The following FSTL4 variants were observed in gnomAD, a reference collection of about 807,000 sequenced individuals.
FSTL4 encodes the protein follistatin-related protein 4.
In FSTL4, 28 loss-of-function variants were observed where a neutral mutation model predicts 78.2. The observed-to-expected ratio is 0.36, with a 90% confidence interval of 0.27 to 0.49. FSTL4 has a LOEUF of 0.49. Ranked by LOEUF, FSTL4 falls within the 20% of genes least tolerant of loss-of-function variation. The pLI, the probability that FSTL4 is intolerant of heterozygous loss-of-function variation, is 0.98. For synonymous variants in FSTL4, 422 were observed against 440.5 expected (o/e 0.96, Z 0.53); for missense variants, 922 against 1,084.9 (o/e 0.85, Z 2.11).
chr5:133,204,715 C>A (rs1454879576), intron 14 of FSTL4, among the ~76,000 whole-genome samples: 2 of 148,878 alleles, frequency 1.3e-5, no homozygotes, highest in African/African-American at 2.5e-5. Flanking sequence ...ACCTGTAATC[C>A]CAGCTACTCA....
intron 6 of FSTL4, among the ~76,000 whole-genome samples, chr5:133,252,628 G>C (rs1016293962): frequency 2.8e-5 from 2 of 71,932 alleles, no homozygotes; most frequent in Non-Finnish European, 4.5e-5. Flanking sequence ...GGGAGACGAG[G>C]CAGGTCTGGT....
chr5:133,444,397 C>T lies in FSTL4; in HGVS notation c.161-43411G>A, dbSNP rs79779814. 4.9e-3 allele frequency among the ~76,000 whole-genome samples: 739 copies of T among 152,328 alleles called. 36 individuals carry two copies. In the East Asian group the frequency reaches 0.1, roughly 21 times the overall value. On this transcript the variant is annotated intron_variant, in intron 3 of 15. Transcript: ENST00000265342. ...ACCCTCCTTACCTACAGCCACCCTG[C>T]CTGGCAGTGCCCGGCCCTCTTTGGG...
intron 3 of FSTL4, among the ~76,000 whole-genome samples, chr5:133,517,983 C>A (rs1225127923): frequency 6.6e-6 from 1 of 152,202 alleles, no homozygotes; most frequent in African/African-American, 2.4e-5. Flanking sequence ...AAACGTCAAT[C>A]TCATCTGAAA....
chr5:133,664,593 C>G, the FSTL4 span, among the ~76,000 whole-genome samples: 1 of 152,212 alleles, frequency 6.6e-6, no homozygotes, highest in Admixed American at 6.5e-5. Flanking sequence ...CCCTGCAAGT[C>G]CATATATTTT....
intron 13 of FSTL4, among the ~76,000 whole-genome samples, chr5:133,216,429 C>T (rs979667166): frequency 2.0e-5 from 3 of 152,146 alleles, no homozygotes; most frequent in African/African-American, 7.2e-5. Flanking sequence ...AAGTGATTCT[C>T]CTGCCTCGGC....
intron 3 of FSTL4, among the ~76,000 whole-genome samples, chr5:133,534,104 G>C (rs1759306725): frequency 6.6e-6 from 1 of 151,708 alleles, no homozygotes; most frequent in Non-Finnish European, 1.5e-5. Flanking sequence ...ACTCAAGGAA[G>C]TCAAAGAACC....
chr5:133,680,472 A>G, the FSTL4 span, among the ~76,000 whole-genome samples: 2 of 152,098 alleles, frequency 1.3e-5, no homozygotes, highest in African/African-American at 2.4e-5. Flanking sequence ...ACATGACCGA[A>G]AGTAAGCACT....
intron 3 of FSTL4, among the ~76,000 whole-genome samples, chr5:133,487,802 C>T (rs1425713510): frequency 1.3e-5 from 2 of 152,206 alleles, no homozygotes; most frequent in Admixed American, 1.3e-4. Flanking sequence ...TGAGCCACAG[C>T]TAAGGACTAG....
intron 3 of FSTL4, among the ~76,000 whole-genome samples, chr5:133,429,908 A>G (rs1360259517): frequency 6.6e-6 from 1 of 152,196 alleles, no homozygotes; most frequent in Non-Finnish European, 1.5e-5. Flanking sequence ...TCTGTGCCAG[A>G]GTTCACATAT....
intron 3 of FSTL4, among the ~76,000 whole-genome samples, chr5:133,476,299 A>T (rs1757924256): frequency 6.6e-6 from 1 of 152,136 alleles, no homozygotes; most frequent in Admixed American, 6.5e-5. Flanking sequence ...TGAGTGCTAC[A>T]TCTTGGGCAA....
the FSTL4 span, among the ~76,000 whole-genome samples, chr5:133,735,186 C>T: frequency 3.5e-4 from 53 of 152,242 alleles, no homozygotes; most frequent in East Asian, 6.2e-3. Context: ...AAAGGCCGGC[C>T]GAGCACAGTG....
At chr5:133,335,490 T>C (rs528672070) in intron 4 of FSTL4, among the ~76,000 whole-genome samples, 1 of 152,056 alleles carries the variant, frequency 6.6e-6, no homozygotes, top group East Asian at 1.9e-4. Context: ...CCCCTCATGG[T>C]CCAGTCATGC....
intron 3 of FSTL4, among the ~76,000 whole-genome samples, chr5:133,559,358 G>A (rs1164878361): frequency 6.6e-6 from 1 of 152,222 alleles, no homozygotes; most frequent in African/African-American, 2.4e-5. Context: ...GACTGGTCAA[G>A]TAACGAAGAT....
intron 6 of FSTL4, among the ~76,000 whole-genome samples, chr5:133,283,908 T>C (rs1561656334): frequency 6.6e-6 from 1 of 152,108 alleles, no homozygotes; most frequent in South Asian, 2.1e-4. Context: ...AGCAAGCATG[T>C]CTTAATATGG....
At chr5:133,358,228 C>T in intron 4 of FSTL4, among the ~76,000 whole-genome samples, 1 of 152,208 alleles carries the variant, frequency 6.6e-6, no homozygotes, top group Admixed American at 6.5e-5. Context: ...AGAGCCTTAA[C>T]TTCACCTGCA....
intron 3 of FSTL4, among the ~76,000 whole-genome samples, chr5:133,562,535 A>C (rs1759937381): frequency 6.6e-6 from 1 of 152,168 alleles, no homozygotes; most frequent in African/African-American, 2.4e-5. Context: ...CTGAGTGTGC[A>C]CGTGATGGTC....
chr5:133,393,867 G>A (rs78500797), intron 4 of FSTL4, among the ~76,000 whole-genome samples: 2,141 of 152,370 alleles, frequency 0.014, 47 homozygotes, highest in African/African-American at 0.049. Context: ...AATGACCTGC[G>A]GAGCAGGGAA....
the FSTL4 span, among the ~76,000 whole-genome samples, chr5:133,789,427 C>T: frequency 3.3e-5 from 5 of 152,194 alleles, no homozygotes; most frequent in Non-Finnish European, 7.3e-5. Context: ...CTGGACTCTA[C>T]AAGGAAGCTA....
chr5:133,639,819 A>C, the FSTL4 span, among the ~76,000 whole-genome samples: 4 of 152,206 alleles, frequency 2.6e-5, no homozygotes, highest in Admixed American at 2.0e-4. Flanking sequence ...TTGAGCTTGC[A>C]TGCAAGACAA....
Sources: allele counts gnomAD v4.1 joint callset (sites outside exome capture counted in the v4.1 genomes callset), GRCh38; gene constraint gnomAD v4.1.1; transcripts MANE v1.5; gene names NCBI Gene and HGNC (gene_info 2026-07-23, HGNC 2026-07-21).